The following COL18A1 variants were observed in gnomAD, a reference collection of about 807,000 sequenced individuals.
COL18A1 encodes collagen alpha-1(XVIII) chain.
In COL18A1, 133 loss-of-function variants were observed where a neutral mutation model predicts 168.0. That is an observed-to-expected ratio of 0.79 (90% CI 0.69 to 0.91). The LOEUF (loss-of-function observed/expected upper bound fraction) is 0.91. COL18A1 is among the 40% of genes least tolerant of loss of function. The probability of loss-of-function intolerance (pLI) is 0.00; values close to 1 mark genes in which losing one functional copy is unlikely to be tolerated. For missense variants in COL18A1, 2,126 were observed against 1,925.4 expected (o/e 1.10, Z -1.95); for synonymous variants, 949 against 809.0 (o/e 1.17, Z -2.94).
intron 2 of COL18A1, among the ~76,000 whole-genome samples, chr21:45,452,022 G>C (rs184661757): frequency 1.2e-3 from 179 of 152,344 alleles, no homozygotes; most frequent in African/African-American, 4.1e-3. Context: ...AGGAGGCACC[G>C]AGGAGCCGCA....
At chr21:45,437,638 A>ACT (rs2034195989) in intron 2 of COL18A1, among the ~76,000 whole-genome samples, 1 of 75,072 alleles carries the variant, frequency 1.3e-5, no homozygotes, top group South Asian at 4.5e-4. Context: ...ACACACTCAC[A>ACT]CAGGCACTCT....
In COL18A1 at chr21:45,505,112, C is replaced by T. The variant is rs562082875; in HGVS notation, c.2869-22C>T. On this transcript the variant is annotated intron_variant, in intron 34 of 41. Transcript: ENST00000651438. Reference sequence around the variant, plus strand: ...TCCAGGGCACGAGGTAACCAGGAAGCGTCTCTTGTCGCCGTCCGTAGGGTC... The same window carrying T: ...TCCAGGGCACGAGGTAACCAGGAAGTGTCTCTTGTCGCCGTCCGTAGGGTC... The T allele has an allele frequency of 3.3e-4, 528 of 1,604,626 alleles. 4 individuals carry two copies. The Middle Eastern group carries it at 0.013, about 41-fold the overall frequency.
At position 45,480,452 on chromosome 21, in the gene COL18A1, G is replaced by C; in HGVS notation, c.1399-15G>C. 10 of 1,614,112 alleles carry C rather than the reference G, an allele frequency of 6.2e-6. No homozygotes were observed. The highest frequency in any genetic ancestry group is 7.6e-6 in the Non-Finnish European group (9 of 1,180,012). On this transcript the variant is annotated splice_polypyrimidine_tract_variant and intron_variant, in intron 11 of 41. Coordinates refer to ENST00000651438, the MANE Select transcript of COL18A1 (RefSeq NM_001379500.1). ...CGAGCTCAGGGCAACGTGTCTCTCC[G>C]GCTCTTTTCCTCAGACCTTCATTGA...
chr21:45,479,457 C>T (rs1340875670), intron 9 of COL18A1, among the ~76,000 whole-genome samples: 1 of 152,130 alleles, frequency 6.6e-6, no homozygotes, highest in African/African-American at 2.4e-5. Flanking sequence ...ATTACACATA[C>T]CACACGTGGA....
At chr21:45,421,652 A>G (rs1211535734) in intron 2 of COL18A1, 1 of 507,628 alleles carries the variant, frequency 2.0e-6, no homozygotes, top group Admixed American at 2.0e-5. Flanking sequence ...GGTGGCTGGC[A>G]GGTTGCCAGG....
intron 37 of COL18A1, chr21:45,506,390 T>C (rs1191899510): frequency 6.0e-6 from 2 of 334,888 alleles, no homozygotes; most frequent in Admixed American, 8.3e-5. Context: ...CCCCGCGTTA[T>C]AAACACCAAG....
chr21:45,477,138 G>A (rs1294320874), intron 6 of COL18A1, among the ~76,000 whole-genome samples: 1 of 152,194 alleles, frequency 6.6e-6, no homozygotes, highest in African/African-American at 2.4e-5. Flanking sequence ...AGGGTCTCTT[G>A]TAACAAATTC....
intron 2 of COL18A1, among the ~76,000 whole-genome samples, chr21:45,432,247 G>T (rs1427498162): frequency 6.6e-6 from 1 of 151,442 alleles, no homozygotes; most frequent in Non-Finnish European, 1.5e-5. Flanking sequence ...GCTGGGGCTG[G>T]GGCTGGGCTG....
At chr21:45,444,719 G>A (rs1024015891) in intron 2 of COL18A1, among the ~76,000 whole-genome samples, 5 of 152,224 alleles carry the variant, frequency 3.3e-5, no homozygotes, top group Admixed American at 2.6e-4. Context: ...CGTGCTCCTC[G>A]AACATGCTGG....
chr21:45,479,265 C>T lies in COL18A1; in HGVS notation c.1249-637C>T, dbSNP rs189780797. On this transcript the variant is annotated intron_variant, in intron 9 of 41. Transcript: ENST00000651438. ...CACACACCACACATTACACACCACACGTGGACACATGCACACACATTACAC... is the reference window on the plus strand; with the variant it reads ...CACACACCACACATTACACACCACATGTGGACACATGCACACACATTACAC... 4.9e-3 allele frequency among the ~76,000 whole-genome samples: 744 copies of T among 152,066 alleles called. 20 individuals are homozygous for T. The highest frequency in any genetic ancestry group is 1.5e-3 in the Non-Finnish European group (105 of 67,928).
At chr21:45,506,352 G>T (rs917223190) in intron 37 of COL18A1, 8 of 354,618 alleles carry the variant, frequency 2.3e-5, no homozygotes, top group African/African-American at 4.3e-5. Flanking sequence ...GGCCCCGGCT[G>T]GGGGGCAGGC....
chr21:45,494,039 C>T (rs2036448914), intron 26 of COL18A1: 1 of 258,910 alleles, frequency 3.9e-6, no homozygotes, highest in African/African-American at 2.2e-5. Flanking sequence ...CCAGAAAAGC[C>T]CTCGGGGAGG....
At position 45,504,690 on chromosome 21, in the gene COL18A1, C is replaced by A; in HGVS notation, c.2868+134C>A. 5.2e-6 allele frequency: 4 copies of A among 773,002 alleles called. 1 individual carries two copies. Among genetic ancestry groups the A allele is most frequent in the South Asian group, 4.9e-5 (3 of 61,556 alleles). 47.9% of individuals were successfully genotyped at this position (773,002 alleles called of 1,614,324 possible). A position where few individuals can be genotyped will look rare whatever the true frequency, so the allele number is the denominator to read the frequency against. The stretch of plus-strand genomic sequence containing the variant: ...TGCAAGCTCAGCAGCCCCGACATGT[C>A]CCTGTCCCCGTGTGGGGACGCAGCA... On this transcript the variant is annotated intron_variant, in intron 34 of 41. Transcript: ENST00000651438.
At position 45,509,609 on chromosome 21, in the gene COL18A1, C is replaced by T. The variant is rs1301558543; in HGVS notation, c.3495+8C>T. On this transcript the variant is annotated splice_region_variant and intron_variant, in intron 39 of 41. Coordinates refer to ENST00000651438, the MANE Select transcript of COL18A1 (RefSeq NM_001379500.1). The stretch of plus-strand genomic sequence containing the variant: ...CGCGACTTCCAGCCGGTGGTGAGTG[C>T]CCCCCCAAAGTGGGCTTGGCTCCAT... 1 of 446,036 alleles carries T rather than the reference C, an allele frequency of 2.2e-6. No homozygotes were observed. The highest frequency in any genetic ancestry group is 1.6e-4 in the East Asian group (1 of 6,244). The allele number at this position is 446,036 out of a possible 1,614,324, so 27.6% of individuals were successfully genotyped here.
chr21:45,487,058 C>G, intron 16 of COL18A1, 66 bp downstream of exon 16: 1 of 1,404,032 alleles, frequency 7.1e-7, no homozygotes, highest in Non-Finnish European at 9.4e-7. Context: ...CCCTACTACC[C>G]CTGGCATCTC....
intron 15 of COL18A1, among the ~76,000 whole-genome samples, chr21:45,484,621 C>T (rs1568914558): frequency 6.6e-6 from 1 of 152,118 alleles, no homozygotes; most frequent in East Asian, 1.9e-4. Context: ...ATGTGCAACA[C>T]ATGTATCTGG....
chr21:45,470,287 G>A (rs977073742), intron 3 of COL18A1, among the ~76,000 whole-genome samples: 7 of 152,102 alleles, frequency 4.6e-5, no homozygotes, highest in African/African-American at 9.7e-5. Flanking sequence ...GTGACTGACC[G>A]GTTTATGTTC....
intron 32 of COL18A1, 183 bp downstream of exon 32, chr21:45,497,844 G>A (rs1225142718): frequency 7.8e-6 from 6 of 769,560 alleles, no homozygotes; most frequent in Non-Finnish European, 1.3e-5. Context: ...CTGGATTTGG[G>A]GGCGAGGGTG....
intron 2 of COL18A1, among the ~76,000 whole-genome samples, chr21:45,429,254 C>T (rs552302974): frequency 1.3e-5 from 2 of 152,258 alleles, no homozygotes; most frequent in South Asian, 4.1e-4. Context: ...AGTCTCTTTC[C>T]CTGTCTCCTT....
Sources: gnomAD v4.1 joint callset for allele counts (sites outside exome capture counted in the v4.1 genomes callset) on GRCh38, gnomAD v4.1.1 for gene constraint, MANE v1.5 for transcripts, NCBI Gene and HGNC (gene_info 2026-07-23, HGNC 2026-07-21) for gene names.